The following LINGO2 variants were observed in gnomAD, a reference collection of about 807,000 sequenced individuals.
LINGO2 encodes leucine-rich repeat and immunoglobulin-like domain-containing nogo receptor-interacting protein 2.
Under a neutral mutation model 30.6 loss-of-function variants are expected in LINGO2, and 14 were observed. That is an observed-to-expected ratio of 0.46 (90% CI 0.30 to 0.72). The LOEUF (loss-of-function observed/expected upper bound fraction) is 0.72. LINGO2 is among the 30% of genes least tolerant of loss of function. The probability of loss-of-function intolerance (pLI) is 0.07; values close to 1 mark genes in which losing one functional copy is unlikely to be tolerated. For synonymous variants in LINGO2, 317 were observed against 288.5 expected, an observed-to-expected ratio of 1.10 and a Z score of -1.00; for missense variants, 729 against 751.7, an observed-to-expected ratio of 0.97 and a Z score of 0.35.
intron 2 of LINGO2, among the ~76,000 whole-genome samples, chr9:28,456,867 C>T (rs1435488890): frequency 6.6e-6 from 1 of 152,164 alleles, no homozygotes; most frequent in African/African-American, 2.4e-5. Context: ...ATGCTATGAA[C>T]CATTTTGTGT....
chr9:28,621,622 C>T (rs823770), intron 1 of LINGO2, among the ~76,000 whole-genome samples: 151,998 of 152,070 alleles, frequency 1, 75,963 homozygotes, highest in Non-Finnish European at 1. Flanking sequence ...GGTTTTTTGG[C>T]ATGGTGTCTT....
exon 6 of LINGO2, chr9:27,949,500 C>G: frequency 1.2e-6 from 2 of 1,614,058 alleles, no homozygotes; most frequent in South Asian, 1.1e-5. Flanking sequence ...CTTGAAAGAC[C>G]TCTCACGGAT....
the LINGO2 span, among the ~76,000 whole-genome samples, chr9:29,145,560 C>T: frequency 1.9e-5 from 2 of 107,504 alleles, no homozygotes; most frequent in African/African-American, 3.2e-5. Flanking sequence ...TGATAGTTAT[C>T]TGTCTCTGTA....
At chr9:28,840,402 T>C in the LINGO2 span, among the ~76,000 whole-genome samples, 5 of 151,880 alleles carry the variant, frequency 3.3e-5, no homozygotes, top group South Asian at 2.1e-4. Flanking sequence ...TTATCAACAA[T>C]GTATATCTCT....
Position 28,168,784 on chromosome 9 carries a change from T to A in LINGO2, c.-87+126424A>T, listed in dbSNP as rs569871607. 2.6e-5 allele frequency among the ~76,000 whole-genome samples: 4 copies of A among 152,332 alleles called. No individual in the cohort carries two copies. In the South Asian group the frequency reaches 6.2e-4, roughly 24 times the overall value. The stretch of plus-strand genomic sequence containing the variant: ...CCTTGTAACACGCATGTATTACAAT[T>A]GGGACAATAAAAATAGCTGATAAAT... On this transcript the variant is annotated intron_variant, in intron 4 of 5. Transcript: ENST00000379992.
At chr9:29,136,002 T>C in the LINGO2 span, among the ~76,000 whole-genome samples, 2 of 152,168 alleles carry the variant, frequency 1.3e-5, no homozygotes, top group African/African-American at 4.8e-5. Flanking sequence ...GTCCCTAGGA[T>C]GACCCAACAT....
chr9:28,511,614 C>T (rs933770670), intron 1 of LINGO2, among the ~76,000 whole-genome samples: 1 of 152,200 alleles, frequency 6.6e-6, no homozygotes, highest in African/African-American at 2.4e-5. Flanking sequence ...GGTGAGCACT[C>T]ATATGGGATA....
chr9:28,955,381 G>T, the LINGO2 span, among the ~76,000 whole-genome samples: 5 of 152,260 alleles, frequency 3.3e-5, no homozygotes, highest in East Asian at 3.9e-4. Context: ...CTGTGAGGCT[G>T]ATTGACTATG....
chr9:28,306,642 T>C (rs892999893), intron 3 of LINGO2, among the ~76,000 whole-genome samples: 1 of 152,086 alleles, frequency 6.6e-6, no homozygotes, highest in African/African-American at 2.4e-5. Context: ...ATCCAGGAGC[T>C]GGTTTTTTGA....
At chr9:28,959,982 C>G in the LINGO2 span, among the ~76,000 whole-genome samples, 1 of 152,068 alleles carries the variant, frequency 6.6e-6, no homozygotes, top group African/African-American at 2.4e-5. Context: ...GTGTTTGTAA[C>G]AATTACATTT....
intron 1 of LINGO2, among the ~76,000 whole-genome samples, chr9:28,551,091 C>G (rs897464594): frequency 2.0e-5 from 3 of 151,678 alleles, no homozygotes; most frequent in African/African-American, 7.2e-5. Flanking sequence ...TACATAAAGG[C>G]AGTAAAGTCA....
intron 4 of LINGO2, among the ~76,000 whole-genome samples, chr9:28,280,173 A>G (rs149673031): frequency 6.8e-4 from 103 of 152,272 alleles, no homozygotes; most frequent in African/African-American, 2.5e-3. Flanking sequence ...ATGCAAAAGT[A>G]GTGTGCGGAA....
At chr9:28,264,542 C>T (rs1822677772) in intron 4 of LINGO2, among the ~76,000 whole-genome samples, 1 of 151,852 alleles carries the variant, frequency 6.6e-6, no homozygotes, top group South Asian at 2.1e-4. Context: ...GTCATTCAGC[C>T]CATGTTTGCA....
intron 1 of LINGO2, among the ~76,000 whole-genome samples, chr9:28,668,367 A>G (rs1828882003): frequency 6.6e-6 from 1 of 152,140 alleles, no homozygotes; most frequent in Non-Finnish European, 1.5e-5. Flanking sequence ...ATATTGACCT[A>G]TCATTTCACT....
chr9:28,453,853 T>G (rs891387553), intron 2 of LINGO2, among the ~76,000 whole-genome samples: 3 of 151,868 alleles, frequency 2.0e-5, no homozygotes, highest in Non-Finnish European at 4.4e-5. Context: ...GTTGTTTTTC[T>G]GATTAGTGGT....
chr9:28,547,382 T>C (rs1024993667), intron 1 of LINGO2, among the ~76,000 whole-genome samples: 1 of 152,080 alleles, frequency 6.6e-6, no homozygotes, highest in Non-Finnish European at 1.5e-5. Context: ...AAATGTTCCA[T>C]TTGCATCTCT....
At chr9:28,167,462 C>T (rs1828463511) in intron 4 of LINGO2, among the ~76,000 whole-genome samples, 1 of 152,198 alleles carries the variant, frequency 6.6e-6, no homozygotes, top group South Asian at 2.1e-4. Context: ...ATCACTGCAA[C>T]CTCCACCTCC....
the LINGO2 span, among the ~76,000 whole-genome samples, chr9:28,933,859 C>T: frequency 6.6e-6 from 1 of 152,166 alleles, no homozygotes; most frequent in Non-Finnish European, 1.5e-5. Context: ...ATCATTTTCT[C>T]TTATAAAAAC....
the LINGO2 span, among the ~76,000 whole-genome samples, chr9:29,093,029 G>GTATA: frequency 6.8e-3 from 666 of 98,536 alleles, 68 homozygotes; most frequent in African/African-American, 0.022. Flanking sequence ...TAATGTGTGT[G>GTATA]TATATATATA....
Sources: gnomAD v4.1 joint callset for allele counts (sites outside exome capture counted in the v4.1 genomes callset) on GRCh38, gnomAD v4.1.1 for gene constraint, MANE v1.5 for transcripts, NCBI Gene and HGNC (gene_info 2026-07-23, HGNC 2026-07-21) for gene names.